The following AADACL4 variants were observed in gnomAD, a reference collection of about 807,000 sequenced individuals.
The protein encoded by AADACL4 is arylacetamide deacetylase-like 4.
A neutral mutation model predicts 14.1 loss-of-function variants in AADACL4; 9 were observed. The observed-to-expected ratio is 0.64, with a 90% CI of 0.39 to 1.12. The LOEUF (loss-of-function observed/expected upper bound fraction) is 1.12. Among genes scored for constraint, AADACL4 ranks in the 50% most tolerant of loss-of-function variants. The pLI, the probability that AADACL4 is intolerant of heterozygous loss-of-function variation, is 0.01. For synonymous variants in AADACL4, 188 were observed against 201.6 expected (o/e 0.93, Z 0.57); for missense variants, 531 against 516.1 (o/e 1.03, Z -0.28).
rs1647347024 is a variant in AADACL4 at position 12,666,729 on chromosome 1, CA to C, written c.1219del (p.Ile407TyrfsTer31). On this transcript the variant is annotated frameshift_variant, in exon 4 of 4. Coordinates refer to ENST00000376221, the MANE Select transcript of AADACL4 (RefSeq NM_001013630.2). LOFTEE classifies it high-confidence loss of function. ...VNAVVSYIKG[I>X] ...ATGCTGTAGTCAGTTATATAAAGGG[CA>C]TATGATAGTAACCCTGGGGCCCCGA... 1.9e-6 allele frequency: 3 copies of C among 1,602,400 alleles called. No individual in the cohort carries two copies. Among genetic ancestry groups the C allele is most frequent in the Non-Finnish European group, 2.6e-6 (3 of 1,176,170 alleles).
intron 2 of AADACL4, among the ~76,000 whole-genome samples, chr1:12,658,334 C>T (rs1647199932): frequency 6.6e-6 from 1 of 151,844 alleles, no homozygotes; most frequent in African/African-American, 2.4e-5. Flanking sequence ...TCTCAGCTCA[C>T]TGCAACCTCC....
At chr1:12,663,347 G>T (rs946842767) in intron 3 of AADACL4, among the ~76,000 whole-genome samples, 3 of 152,178 alleles carry the variant, frequency 2.0e-5, no homozygotes, top group Admixed American at 2.0e-4. Context: ...TGTCAGCATG[G>T]TCAGGCTCTG....
At position 12,644,717 on chromosome 1, in the gene AADACL4, G is replaced by T. The variant is rs771146195; in HGVS notation, c.168+3G>T. On this transcript the variant is annotated splice_donor_region_variant and intron_variant, in intron 1 of 3. Coordinates refer to ENST00000376221, the MANE Select transcript of AADACL4 (RefSeq NM_001013630.2). ...TATTCCTCTACCTGGTCACTTTGGT[G>T]AGTTTACTCTCAGGCCACGTCGTAA... is the stretch of plus-strand genomic sequence containing the variant. The T allele has an allele frequency of 1.9e-6, 3 of 1,613,548 alleles. No homozygotes were observed. The highest frequency in any genetic ancestry group is 1.7e-6 in the Non-Finnish European group (2 of 1,179,724).
At chr1:12,663,223 A>G (rs1647257764) in intron 3 of AADACL4, among the ~76,000 whole-genome samples, 1 of 152,096 alleles carries the variant, frequency 6.6e-6, no homozygotes, top group Admixed American at 6.5e-5. Context: ...CGAAGCCTTC[A>G]CCTCTGGGTG....
chr1:12,657,296 C>T (rs1647183399), intron 2 of AADACL4, among the ~76,000 whole-genome samples: 1 of 151,878 alleles, frequency 6.6e-6, no homozygotes, highest in South Asian at 2.1e-4. Context: ...GTAGCTAGCT[C>T]CAAGAAAGAA....
At chr1:12,659,926 C>A (rs1647213702) in intron 2 of AADACL4, among the ~76,000 whole-genome samples, 2 of 152,232 alleles carry the variant, frequency 1.3e-5, no homozygotes, top group African/African-American at 4.8e-5. Flanking sequence ...TCAGGTGATC[C>A]TCCTGCCTCA....
At chr1:12,656,063 A>T (rs1222307665) in intron 2 of AADACL4, among the ~76,000 whole-genome samples, 1 of 152,206 alleles carries the variant, frequency 6.6e-6, no homozygotes, top group Non-Finnish European at 1.5e-5. Flanking sequence ...AAGCCCATCA[A>T]GTTTAAAATT....
intron 2 of AADACL4, among the ~76,000 whole-genome samples, chr1:12,654,851 C>G (rs546480346): frequency 3.1e-4 from 47 of 151,326 alleles, no homozygotes; most frequent in Middle Eastern, 3.4e-3. Context: ...AGACGGCCCT[C>G]TCCGGGGTAG....
chr1:12,648,993 A>C (rs1022509930), intron 1 of AADACL4, among the ~76,000 whole-genome samples: 2 of 152,220 alleles, frequency 1.3e-5, no homozygotes, highest in Non-Finnish European at 2.9e-5. Flanking sequence ...TGCTGGAGAC[A>C]GAGGGGAAGG....
At chr1:12,658,969 T>TTGAA in intron 2 of AADACL4, among the ~76,000 whole-genome samples, 1 of 152,284 alleles carries the variant, frequency 6.6e-6, no homozygotes, top group East Asian at 1.9e-4. Context: ...ATTTTTTGAA[T>TTGAA]TGAATGAATG....
In AADACL4 at chr1:12,666,755, A is replaced by T; in HGVS notation, c.*20A>T. On this transcript the variant is annotated 3_prime_UTR_variant, in exon 4 of 4. Transcript: ENST00000376221. The stretch of plus-strand genomic sequence containing the variant: ...ATATGATAGTAACCCTGGGGCCCCG[A>T]GGAGGAAGGGGCAAGTATGGACTCT... The T allele has an allele frequency of 6.4e-7, 1 of 1,573,880 alleles. No individual in the cohort carries two copies. Among genetic ancestry groups the T allele is most frequent in the Non-Finnish European group, 8.6e-7 (1 of 1,165,328 alleles).
At chr1:12,661,723 T>C in intron 2 of AADACL4, 68 bp from the exon 3 acceptor site, 1 of 1,489,832 alleles carries the variant, frequency 6.7e-7, no homozygotes. Flanking sequence ...TGGCTCTTCC[T>C]GGGGGCTGTG....
At chr1:12,647,664 T>C (rs1394185822) in intron 1 of AADACL4, among the ~76,000 whole-genome samples, 1 of 151,856 alleles carries the variant, frequency 6.6e-6, no homozygotes, top group Non-Finnish European at 1.5e-5. Flanking sequence ...TCTTTCTTTT[T>C]TTTTTTTTGA....
intron 2 of AADACL4, among the ~76,000 whole-genome samples, chr1:12,656,885 A>C: frequency 6.6e-6 from 1 of 152,148 alleles, no homozygotes; most frequent in East Asian, 1.9e-4. Flanking sequence ...TTATGCTTGG[A>C]ATCCCAGCAC....
rs1647319915 is a variant in AADACL4, at chr1:12,666,066, C to A, written c.555C>A (p.Ser185=). The A allele has an allele frequency of 1.9e-6, 3 of 1,614,120 alleles. No homozygotes were observed. The African/African-American group carries it at 4.0e-5, about 22-fold the overall frequency. Residue 185 remains serine (S), a synonymous_variant, in exon 4 of 4, where the codon TCC becomes TCA. Transcript: ENST00000376221. ...TGGAAACCTATGGGGTGGACCCCTC[C>A]AGGGTTGTGGTCTGTGGAGAAAGCG... The part of the protein sequence containing the change: ...KALETYGVDP[S]RVVVCGESVG...
At chr1:12,657,097 C>T (rs1647182042) in intron 2 of AADACL4, among the ~76,000 whole-genome samples, 1 of 136,542 alleles carries the variant, frequency 7.3e-6, no homozygotes, top group African/African-American at 2.8e-5. Flanking sequence ...GAGCTGAGAT[C>T]ACACCACTGC....
chr1:12,662,125 A>G (rs1647238693), intron 3 of AADACL4, among the ~76,000 whole-genome samples: 1 of 152,220 alleles, frequency 6.6e-6, no homozygotes, highest in East Asian at 1.9e-4. Flanking sequence ...ACAGCCATTT[A>G]AATAAATGAA....
chr1:12,647,167 C>T (rs1445029508), intron 1 of AADACL4, among the ~76,000 whole-genome samples: 1 of 150,756 alleles, frequency 6.6e-6, no homozygotes, highest in Non-Finnish European at 1.5e-5. Context: ...GAACACGGCT[C>T]ACTGCAGCCT....
chr1:12,654,434 A>G (rs1361564274), intron 2 of AADACL4, among the ~76,000 whole-genome samples: 2 of 152,214 alleles, frequency 1.3e-5, no homozygotes, highest in African/African-American at 4.8e-5. Flanking sequence ...TTGCTTTGCC[A>G]GGAGTTTCTT....
Sources: allele counts gnomAD v4.1 joint callset (sites outside exome capture counted in the v4.1 genomes callset), GRCh38; gene constraint gnomAD v4.1.1; transcripts MANE v1.5; gene names NCBI Gene and HGNC (gene_info 2026-07-23, HGNC 2026-07-21).